Variants in PLGRKT observed in about 807,000 individuals in gnomAD.
PLGRKT encodes plasminogen receptor with a C-terminal lysine.
Under a neutral mutation model 18.5 loss-of-function variants are expected in PLGRKT, and 22 were observed. That is an observed-to-expected ratio of 1.19 (90% CI 0.85 to 1.70). The LOEUF is 1.70. Ranked by LOEUF, PLGRKT falls within the 40% of genes most tolerant of loss-of-function variation. PLGRKT has a pLI of 0.00. For synonymous variants in PLGRKT, 72 were observed against 52.8 expected, an observed-to-expected ratio of 1.36 and a Z score of -1.58; for missense variants, 235 against 174.4, an observed-to-expected ratio of 1.35 and a Z score of -1.96.
At chr9:5,392,543 T>C (rs1444022308) in intron 3 of PLGRKT, 3 of 151,944 alleles carry the variant, frequency 2.0e-5, no homozygotes, top group Non-Finnish European at 4.4e-5. Context: ...GAGATAAGCA[T>C]TCCAATTCTG....
In PLGRKT at chr9:5,361,164, G is replaced by T; in HGVS notation, c.236C>A (p.Ala79Asp). The change falls in exon 5 of 6, where the codon GCC (alanine) becomes GAC (aspartate). Residue 79 changes from alanine (A) to aspartate (D), a missense_variant. By Grantham distance (126) the Ala-to-Asp change is moderately radical (BLOSUM62 -2). Coordinates refer to ENST00000223864, the MANE Select transcript of PLGRKT (RefSeq NM_018465.4). ...TAATGGAACAATCGGGACCAGGAAGGCTGGCTTCTTTTTTTTAATCGCTCT... is the reference window on the plus strand; with the variant it reads ...TAATGGAACAATCGGGACCAGGAAGTCTGGCTTCTTTTTTTTAATCGCTCT... Reference protein sequence around the residue: ...TAGAIKKKKPAFLVPIVPLSF... With the variant: ...TAGAIKKKKPDFLVPIVPLSF... 1 of 1,607,750 alleles carries T rather than the reference G, an allele frequency of 6.2e-7. No individual in the cohort carries two copies. Among genetic ancestry groups the T allele is most frequent in the African/African-American group, 1.3e-5 (1 of 74,700 alleles).
At chr9:5,380,596 C>A (rs1332875080) in intron 3 of PLGRKT, among the ~76,000 whole-genome samples, 1 of 152,038 alleles carries the variant, frequency 6.6e-6, no homozygotes, top group Non-Finnish European at 1.5e-5. Flanking sequence ...ACACCCTTTT[C>A]CTTCCCTGTT....
intron 3 of PLGRKT, among the ~76,000 whole-genome samples, chr9:5,374,578 T>A (rs773989435): frequency 1.2e-4 from 18 of 152,216 alleles, no homozygotes; most frequent in African/African-American, 4.1e-4. Context: ...TAGAGTCACA[T>A]GAAATTGGGT....
In PLGRKT at chr9:5,418,521, C is replaced by G; in HGVS notation, c.81+13376G>C. 1 of 998,278 alleles carries G rather than the reference C, an allele frequency of 1.0e-6. No individual in the cohort carries two copies. The allele number at this position is 998,278 out of a possible 1,614,324, so 61.8% of individuals were successfully genotyped here. A position where few individuals can be genotyped will look rare whatever the true frequency, so the allele number is the denominator to read the frequency against. On this transcript the variant is annotated intron_variant, in intron 3 of 5. Transcript: ENST00000223864. This position sits in a 1 kb window ranked among gnomAD's most constrained non-coding sequence, Gnocchi z 4.2. ...TCACCATGCCCCGCCTGTCCTGCTC[C>G]TCCTCCGCCACCCCCTGGGGAGCCC...
chr9:5,388,212 G>A (rs949536486), intron 3 of PLGRKT, among the ~76,000 whole-genome samples: 12 of 151,852 alleles, frequency 7.9e-5, no homozygotes, highest in Admixed American at 5.2e-4. Context: ...AAGAAGAGGA[G>A]GCAAAGGAGA....
At chr9:5,377,242 A>G (rs1817646850) in intron 3 of PLGRKT, among the ~76,000 whole-genome samples, 1 of 138,224 alleles carries the variant, frequency 7.2e-6, no homozygotes, top group African/African-American at 2.7e-5. Flanking sequence ...GAGGATAACA[A>G]GTAAACTAAA....
chr9:5,422,892 T>A (rs538784432), intron 3 of PLGRKT, among the ~76,000 whole-genome samples: 1 of 152,330 alleles, frequency 6.6e-6, no homozygotes, highest in African/African-American at 2.4e-5. Context: ...TTAGATTTGC[T>A]GGTGGGTCTT....
chr9:5,417,288 T>C (rs1818480696), intron 3 of PLGRKT, among the ~76,000 whole-genome samples: 2 of 152,186 alleles, frequency 1.3e-5, no homozygotes, highest in Admixed American at 1.3e-4. Flanking sequence ...GGTATGCTTA[T>C]AAAGAATGGA....
intron 3 of PLGRKT, among the ~76,000 whole-genome samples, chr9:5,369,865 A>C (rs1199403500): frequency 6.6e-6 from 1 of 152,040 alleles, no homozygotes. Flanking sequence ...ACATGTTCTC[A>C]CTCATATGTG....
chr9:5,398,738 A>G (rs1293984434), intron 3 of PLGRKT, among the ~76,000 whole-genome samples: 1 of 151,908 alleles, frequency 6.6e-6, no homozygotes, highest in East Asian at 1.9e-4. Flanking sequence ...TATCATGTTT[A>G]AAAACTTTTT....
intron 3 of PLGRKT, among the ~76,000 whole-genome samples, chr9:5,365,884 G>A (rs190467106): frequency 1.3e-5 from 2 of 152,056 alleles, no homozygotes; most frequent in South Asian, 2.1e-4. Flanking sequence ...TTCCCTTACT[G>A]TTAAGAATAA....
At chr9:5,409,237 CA>C (rs1193791334) in intron 3 of PLGRKT, among the ~76,000 whole-genome samples, 1 of 152,084 alleles carries the variant, frequency 6.6e-6, no homozygotes, top group Admixed American at 6.5e-5. Flanking sequence ...AGGGTGTTGC[CA>C]AAGGAGATTA....
intron 1 of PLGRKT, 71 bp from the exon 2 acceptor site, chr9:5,436,765 T>C (rs1197327318): frequency 1.3e-5 from 2 of 152,232 alleles, no homozygotes; most frequent in Non-Finnish European, 2.9e-5. Context: ...CATTCTTTCC[T>C]TTCCCAACTT....
intron 2 of PLGRKT, among the ~76,000 whole-genome samples, chr9:5,433,728 C>T (rs1586750568): frequency 7.2e-6 from 1 of 138,038 alleles, no homozygotes; most frequent in Non-Finnish European, 1.5e-5. Flanking sequence ...GAGCACCCAT[C>T]GTCTGGGATG....
At chr9:5,366,121 C>T (rs968733932) in intron 3 of PLGRKT, among the ~76,000 whole-genome samples, 4 of 152,080 alleles carry the variant, frequency 2.6e-5, no homozygotes, top group Non-Finnish European at 5.9e-5. Flanking sequence ...TCTATATCTG[C>T]ACACATCTTA....
At chr9:5,410,804 T>C (rs768928740) in intron 3 of PLGRKT, among the ~76,000 whole-genome samples, 3 of 152,156 alleles carry the variant, frequency 2.0e-5, no homozygotes, top group Non-Finnish European at 4.4e-5. Flanking sequence ...ATGGCATCAG[T>C]ATATCAAATA....
In PLGRKT at chr9:5,418,949, T is replaced by G; in HGVS notation, c.81+12948A>C. 2.7e-6 allele frequency: 2 copies of G among 733,394 alleles called. No homozygotes were observed. The highest frequency in any genetic ancestry group is 3.6e-5 in the East Asian group (1 of 27,914). The allele number at this position is 733,394 out of a possible 1,614,324, so 45.4% of individuals were successfully genotyped here. A position where few individuals can be genotyped will look rare whatever the true frequency, so the allele number is the denominator to read the frequency against. ...AGTAATTAAAACAGATCTGACATTCTAGCAGAGTCCTGGGACAGCGTCTCC... is the reference window on the plus strand; with the variant it reads ...AGTAATTAAAACAGATCTGACATTCGAGCAGAGTCCTGGGACAGCGTCTCC... On this transcript the variant is annotated intron_variant, in intron 3 of 5. Coordinates refer to ENST00000223864, the MANE Select transcript of PLGRKT (RefSeq NM_018465.4). This position sits in a 1 kb window ranked among gnomAD's most constrained non-coding sequence, Gnocchi z 4.2.
chr9:5,360,048 A>G (rs1817228729), intron 5 of PLGRKT, among the ~76,000 whole-genome samples: 1 of 152,200 alleles, frequency 6.6e-6, no homozygotes. Flanking sequence ...AGTATAATGG[A>G]TGATGGTTGG....
rs541007660 is a variant in PLGRKT, at chr9:5,407,893, T to C, written c.81+24004A>G. 1.7e-4 allele frequency among the ~76,000 whole-genome samples: 26 copies of C among 152,322 alleles called. No individual in the cohort carries two copies. In the South Asian group the frequency reaches 4.1e-3, roughly 24 times the overall value. The stretch of plus-strand genomic sequence containing the variant: ...ATCTGTAACTATGTGTGTGTGTGTC[T>C]GTGTGTGTATGACTGATATTAGCAT... On this transcript the variant is annotated intron_variant, in intron 3 of 5. Coordinates refer to ENST00000223864, the MANE Select transcript of PLGRKT (RefSeq NM_018465.4).
Sources: allele counts gnomAD v4.1 joint callset (sites outside exome capture counted in the v4.1 genomes callset), GRCh38; gene constraint gnomAD v4.1.1; non-coding constraint Gnocchi (gnomAD v3.1); transcripts MANE v1.5; gene names NCBI Gene and HGNC (gene_info 2026-07-23, HGNC 2026-07-21).